The following TP53BP1 variants were observed in gnomAD, a reference collection of about 807,000 sequenced individuals.
The protein encoded by TP53BP1 is TP53-binding protein 1.
TP53BP1 carries 61 observed loss-of-function variants against 200.8 expected under a neutral mutation model. The observed-to-expected ratio is 0.30, with a 90% CI of 0.25 to 0.38. TP53BP1 has a LOEUF of 0.38. Ranked by LOEUF, TP53BP1 falls within the 10% of genes least tolerant of loss-of-function variation. TP53BP1 has a pLI of 1.00. For missense variants in TP53BP1, 2,144 were observed against 2,371.9 expected, an observed-to-expected ratio of 0.90 and a Z score of 2.00; for synonymous variants, 822 against 844.3, an observed-to-expected ratio of 0.97 and a Z score of 0.46.
At chr15:43,485,571 C>T (rs1486631501) in intron 4 of TP53BP1, among the ~76,000 whole-genome samples, 3 of 528 alleles carry the variant, frequency 5.7e-3, no homozygotes, top group Admixed American at 0.12. Flanking sequence ...AGCGAGACGC[C>T]GTCTCAAAAA....
In TP53BP1 at chr15:43,432,448, T is replaced by G. The variant is rs2602141; in HGVS notation, c.3421A>C (p.Lys1141Gln). The stretch of plus-strand genomic sequence containing the variant: ...ATCAAGGCCTTACTAGGATTTTCCT[T>G]ATTAGTACTCCGTCCTTCTTTCTGG... ...EDQKEGRSTN[K>Q]ENPSKALIER... The change falls in exon 17 of 28, where the codon AAG (lysine) becomes CAG (glutamine). Residue 1141 changes from lysine (K) to glutamine (Q), a missense_variant. Lys to Gln is a moderately conservative substitution (Grantham distance 53). Coordinates refer to ENST00000382044, the MANE Select transcript of TP53BP1 (RefSeq NM_001141980.3). The G allele has an allele frequency of 0.34, 549,017 of 1,613,854 alleles. 107,004 individuals are homozygous for G. Among genetic ancestry groups the G allele is most frequent in the African/African-American group, 0.86 (64,616 of 74,996 alleles).
intron 21 of TP53BP1, among the ~76,000 whole-genome samples, chr15:43,419,041 G>A (rs1202852804): frequency 2.6e-5 from 4 of 152,118 alleles, no homozygotes; most frequent in East Asian, 1.9e-4. Context: ...CCAATATGGC[G>A]AAATGCCATC....
chr15:43,444,459 GTAA>G (rs1566937410), intron 14 of TP53BP1, among the ~76,000 whole-genome samples: 1 of 152,124 alleles, frequency 6.6e-6, no homozygotes, highest in Admixed American at 6.5e-5. Context: ...ATGGAACCAT[GTAA>G]TACTTTAACT....
chr15:43,474,455 C>CCA lies in TP53BP1; in HGVS notation c.1180+217_1180+218insTG, dbSNP rs1315490085. 8.8e-5 allele frequency among the ~76,000 whole-genome samples: 7 copies of CCA among 79,136 alleles called. No individual in the cohort carries two copies. The South Asian group carries it at 1.7e-3, about 19-fold the overall frequency. The allele number at this position is 79,136 out of a possible 152,430, so 51.9% of individuals were successfully genotyped here. A position where few individuals can be genotyped will look rare whatever the true frequency, so the allele number is the denominator to read the frequency against. On this transcript the variant is annotated intron_variant, in intron 10 of 27. Transcript: ENST00000382044. ...GCTGTCACCTCTCAATGGGGTTAGA[C>CCA]AAAAAAAAAAAAAAAAAAAGGAAGG... is the stretch of plus-strand genomic sequence containing the variant.
At chr15:43,438,205 G>T in intron 16 of TP53BP1, 119 bp downstream of exon 16, 1 of 759,376 alleles carries the variant, frequency 1.3e-6, no homozygotes, top group Non-Finnish European at 2.1e-6. Context: ...TGTTGCACTG[G>T]GGGTTAAGTT....
chr15:43,497,336 C>T, upstream of TP53BP1: 1 of 848,260 alleles, frequency 1.2e-6, no homozygotes, highest in Non-Finnish European at 1.4e-6. Context: ...GCCGAGATCG[C>T]ACCACTGCAC....
chr15:43,470,252 T>C (rs1377303749), intron 10 of TP53BP1, among the ~76,000 whole-genome samples, 186 bp from the exon 11 acceptor site: 1 of 152,234 alleles, frequency 6.6e-6, no homozygotes, highest in Non-Finnish European at 1.5e-5. Context: ...CTTCCTTTGG[T>C]TGGCGGAGCA....
intron 10 of TP53BP1, among the ~76,000 whole-genome samples, chr15:43,473,810 C>T (rs1189695913): frequency 6.6e-6 from 1 of 152,248 alleles, no homozygotes; most frequent in East Asian, 1.9e-4. Flanking sequence ...GCTGGCTTCA[C>T]CCAGTGGATC....
intron 4 of TP53BP1, among the ~76,000 whole-genome samples, chr15:43,483,023 A>G (rs2078996419): frequency 6.6e-6 from 1 of 152,202 alleles, no homozygotes; most frequent in East Asian, 1.9e-4. Flanking sequence ...AAACAAGACA[A>G]AAGACATCTT....
Position 43,438,421 on chromosome 15 carries a change from GAC to G in TP53BP1, c.3099-7_3099-6del, listed in dbSNP as rs770130881. 4.4e-6 allele frequency: 7 copies of G among 1,607,092 alleles called. No homozygotes were observed. The South Asian group carries it at 7.8e-5, about 18-fold the overall frequency. ...ACAGACATGGTCTTCTGGGGACTAA[GAC>G]AATATATTAAAGCAATATATTGTTA... On this transcript the variant is annotated splice_region_variant and splice_polypyrimidine_tract_variant and intron_variant, in intron 15 of 27. Coordinates refer to ENST00000382044, the MANE Select transcript of TP53BP1 (RefSeq NM_001141980.3).
At chr15:43,474,558 G>A (rs1337589177) in intron 10 of TP53BP1, 115 bp downstream of exon 10, 8 of 600,530 alleles carry the variant, frequency 1.3e-5, no homozygotes, top group East Asian at 6.2e-5. Flanking sequence ...GAGTCCTACC[G>A]AATTGTGTAG....
At chr15:43,409,802 A>G in intron 24 of TP53BP1, 61 bp from the exon 25 acceptor site, 4 of 820,232 alleles carry the variant, frequency 4.9e-6, no homozygotes, top group Non-Finnish European at 7.4e-6. Context: ...TTGCTACCTT[A>G]TGCCTCCTTC....
At chr15:43,410,844 G>C (rs562840253) in intron 24 of TP53BP1, among the ~76,000 whole-genome samples, 6 of 152,254 alleles carry the variant, frequency 3.9e-5, no homozygotes, top group East Asian at 3.9e-4. Context: ...ACTTAGTTCT[G>C]ACTAGCCAAC....
At chr15:43,468,846 C>G (rs754843647) in intron 11 of TP53BP1, among the ~76,000 whole-genome samples, 3 of 152,178 alleles carry the variant, frequency 2.0e-5, no homozygotes, top group Non-Finnish European at 2.9e-5. Context: ...AGTTCTGACT[C>G]TAGAGTCCTC....
intron 21 of TP53BP1, among the ~76,000 whole-genome samples, chr15:43,419,678 C>G (rs2253807): frequency 0.49 from 74,706 of 151,372 alleles, 22,575 homozygotes; most frequent in African/African-American, 0.86. Context: ...ACCACACCCA[C>G]CCATCTATGT....
chr15:43,463,913 C>A (rs529701987), intron 11 of TP53BP1, among the ~76,000 whole-genome samples: 10 of 152,188 alleles, frequency 6.6e-5, no homozygotes, highest in Non-Finnish European at 1.5e-4. Flanking sequence ...TCCCAACCCC[C>A]CTTCCCACCC....
chr15:43,406,751 G>A lies in TP53BP1; in HGVS notation c.*632C>T, dbSNP rs1339220723. 2.6e-6 allele frequency: 1 copy of A among 384,698 alleles called. No homozygotes were observed. The highest frequency in any genetic ancestry group is 5.1e-6 in the Non-Finnish European group (1 of 195,354). 23.8% of individuals were successfully genotyped at this position (384,698 alleles called of 1,614,324 possible). A position where few individuals can be genotyped will look rare whatever the true frequency, so the allele number is the denominator to read the frequency against. ...TGACTAGAACGTGTAACATTTCCAGGTGTTCTCACTTGTGCTTCCCATGTT... is the reference window on the plus strand; with the variant it reads ...TGACTAGAACGTGTAACATTTCCAGATGTTCTCACTTGTGCTTCCCATGTT... On this transcript the variant is annotated 3_prime_UTR_variant, in exon 28 of 28. Transcript: ENST00000382044.
intron 17 of TP53BP1, among the ~76,000 whole-genome samples, chr15:43,428,418 A>G (rs921210251): frequency 1.3e-5 from 2 of 152,248 alleles, no homozygotes; most frequent in Non-Finnish European, 2.9e-5. Context: ...CAAAATCATT[A>G]CATCTAGTAC....
At position 43,456,713 on chromosome 15, in the gene TP53BP1, G is replaced by T; in HGVS notation, c.1895C>A (p.Ala632Glu). 1 of 1,614,104 alleles carries T rather than the reference G, an allele frequency of 6.2e-7. No individual in the cohort carries two copies. The highest frequency in any genetic ancestry group is 8.5e-7 in the Non-Finnish European group (1 of 1,180,044). Reference sequence around the variant, plus strand: ...AGATCGAGTAGCTGGTGACGGAACTGCCTGACTCCCCGAATCACAAGTGAG... The same window carrying T: ...AGATCGAGTAGCTGGTGACGGAACTTCCTGACTCCCCGAATCACAAGTGAG... The part of the protein sequence containing the change: ...IDLTCDSGSQ[A>E]VPSPATRSEA... The change falls in exon 12 of 28, where the codon GCA (alanine) becomes GAA (glutamate). Residue 632 changes from alanine to glutamate, a missense_variant. This residue lies in a region of TP53BP1 where 1,700 missense variants were observed against 1,710.3 expected (regional missense o/e 0.99). Transcript: ENST00000382044.
Sources: gnomAD v4.1 joint callset for allele counts (sites outside exome capture counted in the v4.1 genomes callset) on GRCh38, gnomAD v4.1.1 for gene constraint, gnomAD v4.1.1 regional missense constraint, MANE v1.5 for transcripts, NCBI Gene and HGNC (gene_info 2026-07-23, HGNC 2026-07-21) for gene names.